Variants in FER1L6 observed in about 807,000 individuals in gnomAD.
The protein encoded by FER1L6 is fer-1-like protein 6.
A neutral mutation model predicts 219.2 loss-of-function variants in FER1L6; 177 were observed. The ratio of observed to expected loss-of-function variants is 0.81; its 90% CI spans 0.71 to 0.91. FER1L6 has a LOEUF of 0.91. Ranked by LOEUF, FER1L6 falls within the 40% of genes least tolerant of loss-of-function variation. FER1L6 has a pLI of 0.00. For synonymous variants in FER1L6, 768 were observed against 824.3 expected, an observed-to-expected ratio of 0.93 and a Z score of 1.17; for missense variants, 2,153 against 2,259.9, an observed-to-expected ratio of 0.95 and a Z score of 0.96.
rs1384406397 is a variant in FER1L6 at position 123,852,544 on chromosome 8, G to A, written c.-8+359G>A. Reference sequence around the variant, plus strand: ...AGAGACAGAGGGAGGAGAAAGAAGAGAGACTGGTAAAATTTTGGGGGATTA... The same window carrying A: ...AGAGACAGAGGGAGGAGAAAGAAGAAAGACTGGTAAAATTTTGGGGGATTA... On this transcript the variant is annotated intron_variant, in intron 1 of 40. Coordinates refer to ENST00000522917, the MANE Select transcript of FER1L6 (RefSeq NM_001039112.2). The surrounding 1 kb of genome is among the most constrained non-coding windows in gnomAD (Gnocchi z 4.9). Among the ~76,000 whole-genome samples the A allele has an allele frequency of 6.6e-6, 1 of 151,646 alleles. No individual in the cohort carries two copies. The highest frequency in any genetic ancestry group is 1.5e-5 in the Non-Finnish European group (1 of 67,922).
chr8:123,985,015 C>T (rs1816504249), intron 11 of FER1L6: 1 of 152,230 alleles, frequency 6.6e-6, no homozygotes, highest in African/African-American at 2.4e-5. Context: ...TTCCCTGAAG[C>T]ATCAGCCTTT....
chr8:123,946,610 A>G (rs1381424581), intron 1 of FER1L6, among the ~76,000 whole-genome samples: 1 of 152,186 alleles, frequency 6.6e-6, no homozygotes, highest in Admixed American at 6.5e-5. Context: ...GTTTATTCAC[A>G]TATTATTCAA....
intron 21 of FER1L6, chr8:124,046,237 G>A (rs745363721): frequency 1.1e-5 from 2 of 183,276 alleles, no homozygotes; most frequent in Non-Finnish European, 2.3e-5. Flanking sequence ...CTAATTCCAG[G>A]TCCTATTGCT....
At chr8:123,970,162 T>C in intron 6 of FER1L6, 65 bp downstream of exon 6, 12 of 1,415,624 alleles carry the variant, frequency 8.5e-6, no homozygotes, top group Non-Finnish European at 1.2e-5. Context: ...TTGGGGACTC[T>C]CTGGGACAAC....
At chr8:123,892,753 A>T (rs907920903) in intron 1 of FER1L6, among the ~76,000 whole-genome samples, 1 of 152,208 alleles carries the variant, frequency 6.6e-6, no homozygotes, top group African/African-American at 2.4e-5. Context: ...AAGTGTCTTA[A>T]ACCTTTGATA....
intron 32 of FER1L6, among the ~76,000 whole-genome samples, chr8:124,077,815 A>G (rs1042972726): frequency 6.6e-6 from 1 of 152,116 alleles, no homozygotes; most frequent in Admixed American, 6.5e-5. Context: ...TATGTGTTTA[A>G]TTTTTACTTA....
rs1390364701 is a variant in FER1L6 at position 124,076,178 on chromosome 8, ATTTTCT to A, written c.4093-14_4093-9del. On this transcript the variant is annotated splice_polypyrimidine_tract_variant and intron_variant, in intron 31 of 40. Transcript: ENST00000522917. ...TGTTGAGAGCTATTGAACCAAAGAC[ATTTTCT>A]TTTTCCTTTCCAGGCATTTAATCTT... 3 of 1,613,288 alleles carry A rather than the reference ATTTTCT, an allele frequency of 1.9e-6. No individual in the cohort carries two copies. In the African/African-American group the frequency reaches 4.0e-5, roughly 22 times the overall value.
intron 1 of FER1L6, among the ~76,000 whole-genome samples, chr8:123,890,187 C>A (rs988431447): frequency 8.6e-5 from 13 of 151,994 alleles, no homozygotes; most frequent in Admixed American, 7.2e-4. Context: ...GTAATACTAG[C>A]CCTAAAGTAC....
intron 12 of FER1L6, among the ~76,000 whole-genome samples, chr8:123,996,896 A>G (rs1003317880): frequency 3.3e-5 from 5 of 152,178 alleles, no homozygotes; most frequent in African/African-American, 1.2e-4. Flanking sequence ...AAGCAAAGAG[A>G]AAATGAATAA....
intron 10 of FER1L6, among the ~76,000 whole-genome samples, chr8:123,978,576 A>G (rs1816193078): frequency 6.6e-6 from 1 of 152,188 alleles, no homozygotes; most frequent in Non-Finnish European, 1.5e-5. Context: ...TGTGCTACAA[A>G]TTTATACTAA....
chr8:124,060,971 A>G (rs1298592246), intron 24 of FER1L6, among the ~76,000 whole-genome samples: 3 of 152,310 alleles, frequency 2.0e-5, no homozygotes, highest in Non-Finnish European at 4.4e-5. Flanking sequence ...ATTCATCAGC[A>G]TCAGCATCAC....
At chr8:123,922,630 C>T (rs1813404449) in intron 1 of FER1L6, among the ~76,000 whole-genome samples, 1 of 152,080 alleles carries the variant, frequency 6.6e-6, no homozygotes, top group African/African-American at 2.4e-5. Context: ...GCCGTGGGCT[C>T]CCGTAGGCAC....
rs1563784855 is a variant in FER1L6 at position 124,076,317 on chromosome 8, AT to A, written c.4215del (p.Phe1405LeufsTer20). Reference protein sequence around the residue: ...KYIPKQLNPVFGRSFEIQATF... With the variant: ...KYIPKQLNPVXGRSFEIQATF... ...ACATCCCTAAACAACTGAACCCAGT[AT>A]TTGGAAGGTCAGTGGCCATCTGGGC... On this transcript the variant is annotated frameshift_variant, in exon 32 of 41. Transcript: ENST00000522917. LOFTEE classifies it high-confidence loss of function. The A allele has an allele frequency of 6.2e-7, 1 of 1,613,786 alleles. No homozygotes were observed. Among genetic ancestry groups the A allele is most frequent in the South Asian group, 1.1e-5 (1 of 91,044 alleles).
chr8:123,988,259 T>C (rs963511100), intron 12 of FER1L6, among the ~76,000 whole-genome samples: 1 of 152,234 alleles, frequency 6.6e-6, no homozygotes, highest in African/African-American at 2.4e-5. Context: ...TCAGGTAATA[T>C]GATTCCTCCA....
intron 12 of FER1L6, 61 bp from the exon 13 acceptor site, chr8:124,003,106 C>T (rs761451326): frequency 2.9e-4 from 424 of 1,452,728 alleles, no homozygotes; most frequent in Non-Finnish European, 3.8e-4. Context: ...TCCTTTATGC[C>T]AAGCAGACTG....
intron 13 of FER1L6, among the ~76,000 whole-genome samples, chr8:124,007,562 G>T (rs186185409): frequency 6.6e-6 from 1 of 152,122 alleles, no homozygotes; most frequent in Admixed American, 6.5e-5. Flanking sequence ...TAAATTAACT[G>T]CTGCTTTTCT....
At chr8:123,901,049 A>C (rs191887857) in intron 1 of FER1L6, among the ~76,000 whole-genome samples, 1 of 152,234 alleles carries the variant, frequency 6.6e-6, no homozygotes, top group Non-Finnish European at 1.5e-5. Context: ...TTCTTTCTCT[A>C]TCTTGTGGAA....
At chr8:123,910,372 T>C (rs1302376973) in intron 1 of FER1L6, among the ~76,000 whole-genome samples, 1 of 152,124 alleles carries the variant, frequency 6.6e-6, no homozygotes, top group Admixed American at 6.5e-5. Flanking sequence ...AGGTGGCAGA[T>C]GGTGAGTTGG....
intron 1 of FER1L6, among the ~76,000 whole-genome samples, chr8:123,950,849 A>G (rs1814729824): frequency 6.6e-6 from 1 of 152,188 alleles, no homozygotes; most frequent in South Asian, 2.1e-4. Flanking sequence ...GCCTTGCTTG[A>G]GACATTTTTG....
Sources: allele counts gnomAD v4.1 joint callset (sites outside exome capture counted in the v4.1 genomes callset), GRCh38; gene constraint gnomAD v4.1.1; non-coding constraint Gnocchi (gnomAD v3.1); transcripts MANE v1.5; gene names NCBI Gene and HGNC (gene_info 2026-07-23, HGNC 2026-07-21).